SLC25A13: variants seen among roughly 807,000 people sequenced by gnomAD.
The protein encoded by SLC25A13 is electrogenic aspartate/glutamate antiporter SLC25A13, mitochondrial.
SLC25A13 carries 70 observed loss-of-function variants against 85.5 expected under a neutral mutation model. That is an observed-to-expected ratio of 0.82 (90% CI 0.68 to 1.00). The LOEUF is 1.00. Among genes scored for constraint, SLC25A13 ranks in the 50% least tolerant of loss-of-function variants. The pLI is 0.00. For synonymous variants in SLC25A13, 259 were observed against 288.7 expected, an observed-to-expected ratio of 0.90 and a Z score of 1.04; for missense variants, 765 against 819.8, an observed-to-expected ratio of 0.93 and a Z score of 0.82.
intron 3 of SLC25A13, among the ~76,000 whole-genome samples, chr7:96,267,199 T>C (rs906313074): frequency 2.0e-5 from 3 of 152,156 alleles, no homozygotes; most frequent in Non-Finnish European, 2.9e-5. Context: ...ATTGTAAACC[T>C]CATTAACTCC....
In SLC25A13 at chr7:96,122,004, G is replaced by A. The variant is rs2116384875; in HGVS notation, c.1592-7C>T. On this transcript the variant is annotated splice_polypyrimidine_tract_variant and splice_region_variant and intron_variant, in intron 15 of 17. Coordinates refer to ENST00000265631, the MANE Select transcript of SLC25A13 (RefSeq NM_014251.3). Reference sequence around the variant, plus strand: ...AAAGATGCTGCAGGCATACCTGCAGGAGAGACACAACACCATCTCAGTCTG... The same window carrying A: ...AAAGATGCTGCAGGCATACCTGCAGAAGAGACACAACACCATCTCAGTCTG... 1.2e-6 allele frequency: 2 copies of A among 1,613,972 alleles called. No homozygotes were observed.
intron 2 of SLC25A13, among the ~76,000 whole-genome samples, chr7:96,291,456 CA>C (rs1418763486): frequency 2.0e-5 from 3 of 152,026 alleles, no homozygotes; most frequent in Non-Finnish European, 4.4e-5. Flanking sequence ...GATGGAGACA[CA>C]AAAAACCCTT....
chr7:96,184,151 G>A (rs1253909605), intron 11 of SLC25A13, 126 bp downstream of exon 11: 3 of 1,214,368 alleles, frequency 2.5e-6, no homozygotes. Context: ...CATTAGCATG[G>A]ATAATTGAAA....
In SLC25A13 at chr7:96,120,759, TTTTTTA is replaced by T. The variant is rs1211239672; in HGVS notation, c.*426_*431del. 2.2e-6 allele frequency: 1 copy of T among 454,766 alleles called. No individual in the cohort carries two copies. Among genetic ancestry groups the T allele is most frequent in the Non-Finnish European group, 4.4e-6 (1 of 227,424 alleles). 28.2% of individuals were successfully genotyped at this position (454,766 alleles called of 1,614,324 possible). On this transcript the variant is annotated 3_prime_UTR_variant, in exon 18 of 18. Coordinates refer to ENST00000265631, the MANE Select transcript of SLC25A13 (RefSeq NM_014251.3). ...ATATATTTTTTCATTTCTCCCAGTG[TTTTTTA>T]TTTTTATAAATATGCACCTAGTTTC...
At chr7:96,130,363 G>A (rs748320393) in intron 15 of SLC25A13, among the ~76,000 whole-genome samples, 4 of 152,154 alleles carry the variant, frequency 2.6e-5, no homozygotes, top group Non-Finnish European at 4.4e-5. Flanking sequence ...CTTGGCTAAT[G>A]TTTATTGAGC....
At chr7:96,143,190 A>G (rs996974915) in intron 14 of SLC25A13, among the ~76,000 whole-genome samples, 11 of 152,178 alleles carry the variant, frequency 7.2e-5, no homozygotes, top group African/African-American at 2.7e-4. Context: ...TTTTTGGCCT[A>G]ATTAGCTGTG....
intron 3 of SLC25A13, among the ~76,000 whole-genome samples, chr7:96,267,454 C>T (rs1798076223): frequency 6.6e-6 from 1 of 152,032 alleles, no homozygotes. Flanking sequence ...TCTTTGATGC[C>T]TTTATTCTTC....
chr7:96,201,802 C>T (rs1022605584), intron 5 of SLC25A13, among the ~76,000 whole-genome samples: 1 of 152,084 alleles, frequency 6.6e-6, no homozygotes, highest in African/African-American at 2.4e-5. Flanking sequence ...GGGGTAGTAG[C>T]AATTTTGTTT....
At chr7:96,281,843 A>G (rs1156655864) in intron 2 of SLC25A13, among the ~76,000 whole-genome samples, 1 of 152,232 alleles carries the variant, frequency 6.6e-6, no homozygotes, top group Non-Finnish European at 1.5e-5. Context: ...AAACAAGCTC[A>G]TCACCACGGC....
At chr7:96,258,344 T>C (rs1009290933) in intron 3 of SLC25A13, among the ~76,000 whole-genome samples, 1 of 152,198 alleles carries the variant, frequency 6.6e-6, no homozygotes, top group African/African-American at 2.4e-5. Flanking sequence ...AAAACCTCCT[T>C]AAGCTGATAA....
intron 14 of SLC25A13, among the ~76,000 whole-genome samples, chr7:96,144,112 T>C (rs186995523): frequency 4.6e-4 from 70 of 152,332 alleles, no homozygotes; most frequent in Non-Finnish European, 6.2e-4. Flanking sequence ...ATGCTAATGC[T>C]GTGATGCTCC....
intron 13 of SLC25A13, among the ~76,000 whole-genome samples, chr7:96,154,830 CT>C (rs1439705688): frequency 6.8e-6 from 1 of 146,762 alleles, no homozygotes; most frequent in East Asian, 2.0e-4. Flanking sequence ...CAGAGTCTCT[CT>C]CTGTCACCCA....
chr7:96,168,791 G>A (rs1176167049), intron 13 of SLC25A13, among the ~76,000 whole-genome samples: 1 of 151,872 alleles, frequency 6.6e-6, no homozygotes, highest in African/African-American at 2.4e-5. Context: ...TATATCCTGG[G>A]CCCTGCAACA....
intron 3 of SLC25A13, among the ~76,000 whole-genome samples, chr7:96,266,852 A>G (rs1198800703): frequency 6.6e-6 from 1 of 152,170 alleles, no homozygotes; most frequent in Admixed American, 6.5e-5. Flanking sequence ...ACACTGATTC[A>G]ATGAGAGCTG....
chr7:96,180,817 T>G (rs1256578489), intron 11 of SLC25A13, among the ~76,000 whole-genome samples: 3 of 152,260 alleles, frequency 2.0e-5, no homozygotes, highest in Non-Finnish European at 4.4e-5. Context: ...ATTGTTGTTC[T>G]TTAATACGCC....
intron 3 of SLC25A13, among the ~76,000 whole-genome samples, chr7:96,276,551 A>G (rs1217088336): frequency 1.3e-5 from 2 of 152,172 alleles, no homozygotes; most frequent in Admixed American, 1.3e-4. Flanking sequence ...TGTACCTGGG[A>G]GACAGAAGTT....
intron 11 of SLC25A13, among the ~76,000 whole-genome samples, chr7:96,179,582 C>G (rs760521349): frequency 2.2e-4 from 33 of 152,208 alleles, no homozygotes; most frequent in Admixed American, 6.5e-5. Context: ...AACAAATGAT[C>G]TGTTGAAATC....
At chr7:96,170,276 T>C in intron 12 of SLC25A13, 151 bp from the exon 13 acceptor site, 1 of 722,100 alleles carries the variant, frequency 1.4e-6, no homozygotes, top group Non-Finnish European at 2.4e-6. Flanking sequence ...TTAAAATAGT[T>C]TGAGAAGTAC....
chr7:96,260,043 G>A (rs1356557966), intron 3 of SLC25A13, among the ~76,000 whole-genome samples: 1 of 151,332 alleles, frequency 6.6e-6, no homozygotes, highest in Non-Finnish European at 1.5e-5. Context: ...ATCACACACT[G>A]GGGCCTGTCG....
Sources: allele counts gnomAD v4.1 joint callset (sites outside exome capture counted in the v4.1 genomes callset), GRCh38; gene constraint gnomAD v4.1.1; transcripts MANE v1.5; gene names NCBI Gene and HGNC (gene_info 2026-07-23, HGNC 2026-07-21).